Variants in MORC1 observed in about 807,000 individuals in gnomAD.
MORC1 encodes MORC family CW-type zinc finger protein 1.
MORC1 carries 59 observed loss-of-function variants against 134.9 expected under a neutral mutation model. That is an observed-to-expected ratio of 0.44 (90% CI 0.35 to 0.54). The LOEUF (loss-of-function observed/expected upper bound fraction) is 0.54, where lower values mean the gene tolerates loss of function less well. Among genes scored for constraint, MORC1 ranks in the 20% least tolerant of loss-of-function variants. The probability of loss-of-function intolerance (pLI) is 0.00; values close to 1 mark genes in which losing one functional copy is unlikely to be tolerated. For missense variants in MORC1, 947 were observed against 1,134.5 expected, an observed-to-expected ratio of 0.83 and a Z score of 2.37; for synonymous variants, 395 against 391.7, an observed-to-expected ratio of 1.01 and a Z score of -0.10.
chr3:109,063,239 GAAAC>G lies in MORC1; in HGVS notation c.816-12_816-9del. 1.3e-6 allele frequency: 2 copies of G among 1,512,722 alleles called. No homozygotes were observed. The highest frequency in any genetic ancestry group is 1.8e-6 in the Non-Finnish European group (2 of 1,093,986). 93.7% of individuals were successfully genotyped at this position (1,512,722 alleles called of 1,614,324 possible). A position where few individuals can be genotyped will look rare whatever the true frequency, so the allele number is the denominator to read the frequency against. On this transcript the variant is annotated splice_polypyrimidine_tract_variant and intron_variant, in intron 9 of 27. Coordinates refer to ENST00000232603, the MANE Select transcript of MORC1 (RefSeq NM_014429.4). ...GTGACATAAAGATACTTTCTGGAAA[GAAAC>G]AAAAAGAACATAATCAAGTCAGATT... is the stretch of plus-strand genomic sequence containing the variant.
At chr3:109,015,349 T>C (rs1948792854) in intron 17 of MORC1, among the ~76,000 whole-genome samples, 1 of 152,146 alleles carries the variant, frequency 6.6e-6, no homozygotes, top group African/African-American at 2.4e-5. Context: ...CTTAGATCTA[T>C]ACCTAGAAGA....
At chr3:108,985,840 T>C (rs932766058) in intron 22 of MORC1, among the ~76,000 whole-genome samples, 4 of 152,200 alleles carry the variant, frequency 2.6e-5, no homozygotes, top group African/African-American at 9.6e-5. Context: ...TTGAACTGTC[T>C]ATAAAAGATT....
At chr3:109,090,621 A>C (rs1297044667) in intron 8 of MORC1, among the ~76,000 whole-genome samples, 3 of 80,974 alleles carry the variant, frequency 3.7e-5, no homozygotes, top group African/African-American at 2.5e-4. Flanking sequence ...ACTCCGTCTC[A>C]AAAAAAAAAA....
chr3:109,068,127 G>T (rs1950240051), intron 9 of MORC1, among the ~76,000 whole-genome samples: 1 of 152,080 alleles, frequency 6.6e-6, no homozygotes, highest in Admixed American at 6.6e-5. Flanking sequence ...CAGGCAAAAA[G>T]GCACATATAT....
At chr3:108,960,621 A>T (rs1947055134) in intron 27 of MORC1, among the ~76,000 whole-genome samples, 1 of 152,120 alleles carries the variant, frequency 6.6e-6, no homozygotes, top group South Asian at 2.1e-4. Context: ...TGGTGTTTTG[A>T]GAAAGTTAGC....
At chr3:108,980,281 C>T (rs1237876272) in intron 23 of MORC1, among the ~76,000 whole-genome samples, 1 of 152,176 alleles carries the variant, frequency 6.6e-6, no homozygotes, top group African/African-American at 2.4e-5. Flanking sequence ...GTGGAACTTT[C>T]AGCCACCAGG....
chr3:109,040,829 C>CAAAAAAA (rs59122147), intron 14 of MORC1, among the ~76,000 whole-genome samples: 31 of 108,592 alleles, frequency 2.9e-4, no homozygotes, highest in African/African-American at 5.3e-4. Flanking sequence ...AACTCTGTGT[C>CAAAAAAA]AAAAAAAAAA....
intron 17 of MORC1, among the ~76,000 whole-genome samples, chr3:109,019,515 C>T (rs1198065762): frequency 6.6e-6 from 1 of 152,150 alleles, no homozygotes; most frequent in African/African-American, 2.4e-5. Flanking sequence ...CAGATCTACC[C>T]CTATTCTTAC....
At chr3:109,045,001 T>C (rs547937538) in intron 14 of MORC1, among the ~76,000 whole-genome samples, 34 of 151,814 alleles carry the variant, frequency 2.2e-4, no homozygotes, top group African/African-American at 8.2e-4. Flanking sequence ...CAGTTTTGTA[T>C]CTGTTCATAG....
intron 16 of MORC1, among the ~76,000 whole-genome samples, chr3:109,031,848 C>T (rs1281375982): frequency 2.0e-5 from 3 of 152,016 alleles, no homozygotes; most frequent in South Asian, 2.1e-4. Flanking sequence ...TTGGGAAAAA[C>T]AAGGTTGCAT....
intron 18 of MORC1, among the ~76,000 whole-genome samples, chr3:109,006,642 A>C (rs1034305186): frequency 6.6e-6 from 1 of 152,166 alleles, no homozygotes; most frequent in Non-Finnish European, 1.5e-5. Flanking sequence ...CATTTGAGGA[A>C]TATAACGTAA....
intron 8 of MORC1, among the ~76,000 whole-genome samples, chr3:109,083,970 T>C (rs904045408): frequency 1.3e-5 from 2 of 152,134 alleles, no homozygotes; most frequent in Admixed American, 6.5e-5. Context: ...CCCTTTATGA[T>C]AAAAACCCTT....
At chr3:109,033,841 T>C (rs893890763) in intron 15 of MORC1, among the ~76,000 whole-genome samples, 2 of 152,180 alleles carry the variant, frequency 1.3e-5, no homozygotes, top group Admixed American at 1.3e-4. Flanking sequence ...CTCAAAACTC[T>C]ATAATGTAGC....
At chr3:108,968,277 G>A (rs535239095) in intron 26 of MORC1, among the ~76,000 whole-genome samples, 12 of 152,302 alleles carry the variant, frequency 7.9e-5, no homozygotes, top group African/African-American at 2.9e-4. Flanking sequence ...CAGTTGAACA[G>A]TAATGGGAGA....
intron 20 of MORC1, among the ~76,000 whole-genome samples, chr3:109,002,769 C>G (rs796932750): frequency 3.3e-5 from 5 of 152,246 alleles, no homozygotes; most frequent in African/African-American, 9.6e-5. Flanking sequence ...TGTCACTTCC[C>G]TGCTTGAAAC....
chr3:109,033,286 G>GAGGAAGGAAGGA (rs55742240), intron 15 of MORC1, among the ~76,000 whole-genome samples: 6,355 of 136,722 alleles, frequency 0.046, 169 homozygotes, highest in Middle Eastern at 0.06. Flanking sequence ...AGCAAGAAAG[G>GAGGAAGGAAGGA]AGGAAGGAAG....
At chr3:109,000,732 C>T in intron 20 of MORC1, 74 bp from the exon 21 acceptor site, 1 of 1,078,388 alleles carries the variant, frequency 9.3e-7, no homozygotes. Flanking sequence ...TACCTTCACT[C>T]TTCATTCTGC....
chr3:109,070,611 C>A (rs1440863765), intron 8 of MORC1, among the ~76,000 whole-genome samples: 2 of 151,840 alleles, frequency 1.3e-5, no homozygotes, highest in Non-Finnish European at 2.9e-5. Flanking sequence ...AAATGGAAAG[C>A]AGAAAGCAGT....
chr3:109,050,810 G>A (rs868666552), intron 14 of MORC1, among the ~76,000 whole-genome samples: 3 of 152,146 alleles, frequency 2.0e-5, no homozygotes, highest in Non-Finnish European at 4.4e-5. Flanking sequence ...CGGGTGGCCT[G>A]CATTCAGTCT....
Sources: allele counts gnomAD v4.1 joint callset (sites outside exome capture counted in the v4.1 genomes callset), GRCh38; gene constraint gnomAD v4.1.1; transcripts MANE v1.5; gene names NCBI Gene and HGNC (gene_info 2026-07-23, HGNC 2026-07-21).